PTPRD: variants seen among roughly 807,000 people sequenced by gnomAD.
PTPRD encodes the protein protein tyrosine phosphatase receptor type D, also known as receptor-type tyrosine-protein phosphatase delta.
PTPRD carries 34 observed loss-of-function variants against 214.5 expected under a neutral mutation model. That is an observed-to-expected ratio of 0.16 (90% CI 0.12 to 0.21). The LOEUF is 0.21. Among genes scored for constraint, PTPRD ranks in the 10% least tolerant of loss-of-function variants. PTPRD has a pLI of 1.00. For missense variants in PTPRD, 2,545 were observed against 2,398.7 expected (o/e 1.06, Z -1.27); for synonymous variants, 1,128 against 845.7 (o/e 1.33, Z -5.79).
intron 9 of PTPRD, among the ~76,000 whole-genome samples, chr9:9,275,138 T>C (rs1455733250): frequency 9.3e-5 from 5 of 53,896 alleles, no homozygotes; most frequent in Admixed American, 3.2e-4. Flanking sequence ...TTATATATAA[T>C]ATATATATAA....
chr9:9,282,543 A>C (rs914062321), intron 9 of PTPRD, among the ~76,000 whole-genome samples: 1 of 151,284 alleles, frequency 6.6e-6, no homozygotes, highest in African/African-American at 2.4e-5. Context: ...AATTTGTATA[A>C]ATTCAGTTCC....
chr9:8,759,884 T>C (rs968634129), intron 11 of PTPRD, among the ~76,000 whole-genome samples: 5 of 152,202 alleles, frequency 3.3e-5, no homozygotes, highest in Non-Finnish European at 7.3e-5. Flanking sequence ...GGACTCGTGT[T>C]TGTTTGTATG....
Position 8,903,463 on chromosome 9 carries a change from G to T in PTPRD, c.-104+115234C>A, listed in dbSNP as rs144746588. Reference sequence around the variant, plus strand: ...CTGCTAATGTTTATTTTTCCAGGTTGTATGTCCTCCTGGAGGAGGTATGCA... The same window carrying T: ...CTGCTAATGTTTATTTTTCCAGGTTTTATGTCCTCCTGGAGGAGGTATGCA... On this transcript the variant is annotated intron_variant, in intron 11 of 45. Coordinates refer to ENST00000381196, the MANE Select transcript of PTPRD (RefSeq NM_002839.4). 2.7e-3 allele frequency among the ~76,000 whole-genome samples: 410 copies of T among 152,190 alleles called. 1 individual carries two copies. Among genetic ancestry groups the T allele is most frequent in the African/African-American group, 9.5e-3 (394 of 41,508 alleles).
intron 11 of PTPRD, among the ~76,000 whole-genome samples, chr9:8,938,188 T>C (rs2099009680): frequency 6.6e-6 from 1 of 151,966 alleles, no homozygotes; most frequent in Admixed American, 6.6e-5. Context: ...AGTATGTGGA[T>C]GGTAGAGCTA....
chr9:9,867,181 G>A (rs2064186890), intron 5 of PTPRD, among the ~76,000 whole-genome samples: 1 of 152,024 alleles, frequency 6.6e-6, no homozygotes, highest in Non-Finnish European at 1.5e-5. Flanking sequence ...TAAGGATTAA[G>A]GATTAGAACC....
intron 10 of PTPRD, among the ~76,000 whole-genome samples, chr9:9,075,209 T>A (rs1244253026): frequency 6.6e-6 from 1 of 152,076 alleles, no homozygotes; most frequent in African/African-American, 2.4e-5. Context: ...CATGAGATAT[T>A]TTGATCCAGG....
chr9:9,017,185 GCAA>G (rs1279372548), intron 11 of PTPRD, among the ~76,000 whole-genome samples: 1 of 152,042 alleles, frequency 6.6e-6, no homozygotes, highest in Non-Finnish European at 1.5e-5. Flanking sequence ...ATGAACAACA[GCAA>G]CAACCATAAA....
chr9:8,824,427 G>A (rs1429773734), intron 11 of PTPRD, among the ~76,000 whole-genome samples: 4 of 152,170 alleles, frequency 2.6e-5, no homozygotes. Context: ...CGGTAGAGAA[G>A]AGCTTCGTTA....
chr9:10,353,009 A>G (rs920869725), intron 2 of PTPRD, among the ~76,000 whole-genome samples: 1 of 152,096 alleles, frequency 6.6e-6, no homozygotes, highest in East Asian at 1.9e-4. Flanking sequence ...CACAGAGGGT[A>G]TGTATGTGAG....
At chr9:8,677,872 A>G (rs2154369915) in intron 12 of PTPRD, among the ~76,000 whole-genome samples, 1 of 152,234 alleles carries the variant, frequency 6.6e-6, no homozygotes. Context: ...TCTAAGATTG[A>G]TGAATCAGAG....
At chr9:8,872,327 GAT>G (rs1292962584) in intron 11 of PTPRD, among the ~76,000 whole-genome samples, 1 of 152,152 alleles carries the variant, frequency 6.6e-6, no homozygotes, top group Non-Finnish European at 1.5e-5. Flanking sequence ...TGTGTGATAT[GAT>G]CTCCCATCCC....
intron 21 of PTPRD, among the ~76,000 whole-genome samples, chr9:8,511,196 G>A (rs1214903327): frequency 6.6e-6 from 1 of 152,078 alleles, no homozygotes; most frequent in African/African-American, 2.4e-5. Context: ...AGCCCCCTGA[G>A]TAGCTGAGAG....
At chr9:8,398,832 C>T (rs559848581) in intron 36 of PTPRD, among the ~76,000 whole-genome samples, 21 of 152,128 alleles carry the variant, frequency 1.4e-4, no homozygotes, top group East Asian at 1.9e-4. Context: ...TCTAGAACTA[C>T]GAGGAATAAA....
chr9:8,455,005 G>C (rs921754613), intron 33 of PTPRD, among the ~76,000 whole-genome samples: 2 of 152,046 alleles, frequency 1.3e-5, no homozygotes, highest in Non-Finnish European at 2.9e-5. Flanking sequence ...TTCCATAAAA[G>C]AAATTCGTTC....
At chr9:10,132,124 G>T (rs1431819214) in intron 3 of PTPRD, among the ~76,000 whole-genome samples, 2 of 151,944 alleles carry the variant, frequency 1.3e-5, no homozygotes, top group Non-Finnish European at 2.9e-5. Flanking sequence ...AGTTACTACT[G>T]GTAATGATTA....
intron 5 of PTPRD, among the ~76,000 whole-genome samples, chr9:9,781,835 C>T (rs1415595733): frequency 6.6e-6 from 1 of 151,634 alleles, no homozygotes; most frequent in African/African-American, 2.4e-5. Flanking sequence ...CTCTGTCGCC[C>T]AGGCTGGAGT....
chr9:9,132,071 G>A lies in PTPRD; in HGVS notation c.-143+51233C>T, dbSNP rs528242688. Among the ~76,000 whole-genome samples the A allele has an allele frequency of 7.2e-5, 11 of 152,138 alleles. No individual in the cohort carries two copies. In the South Asian group the frequency reaches 2.1e-3, roughly 29 times the overall value. ...TGCCCAGGCTGGAGTGCAGTGGCAC[G>A]ATCTAGGCTCACTGTAAGCTCCGCC... is the stretch of plus-strand genomic sequence containing the variant. On this transcript the variant is annotated intron_variant, in intron 10 of 45. Transcript: ENST00000381196.
intron 11 of PTPRD, among the ~76,000 whole-genome samples, chr9:8,751,780 T>G (rs2093559901): frequency 6.6e-6 from 1 of 152,244 alleles, no homozygotes; most frequent in Non-Finnish European, 1.5e-5. Context: ...GTTACCTAAA[T>G]AGATTTGAGA....
chr9:9,177,074 AGAG>A, intron 10 of PTPRD, among the ~76,000 whole-genome samples: 1 of 152,300 alleles, frequency 6.6e-6, no homozygotes, highest in African/African-American at 2.4e-5. Context: ...TATAAAGAAA[AGAG>A]GTTTAATTGA....
Sources: allele counts gnomAD v4.1 joint callset (sites outside exome capture counted in the v4.1 genomes callset), GRCh38; gene constraint gnomAD v4.1.1; transcripts MANE v1.5; gene names NCBI Gene and HGNC (gene_info 2026-07-23, HGNC 2026-07-21).